Variants in MYRIP observed in about 807,000 individuals in gnomAD.
MYRIP encodes the protein myosin VIIA and Rab interacting protein, also known as rab effector MyRIP.
In MYRIP, 49 loss-of-function variants were observed where a neutral mutation model predicts 98.0. The observed-to-expected ratio is 0.50, with a 90% CI of 0.40 to 0.63. The LOEUF is 0.63. Among genes scored for constraint, MYRIP ranks in the 30% least tolerant of loss-of-function variants. The probability of loss-of-function intolerance (pLI) is 0.00; values close to 1 mark genes in which losing one functional copy is unlikely to be tolerated. For missense variants in MYRIP, 1,004 were observed against 1,058.2 expected, an observed-to-expected ratio of 0.95 and a Z score of 0.71; for synonymous variants, 404 against 409.5, an observed-to-expected ratio of 0.99 and a Z score of 0.16.
intron 3 of MYRIP, among the ~76,000 whole-genome samples, chr3:40,083,520 C>G (rs897080872): frequency 3.3e-5 from 5 of 152,114 alleles, no homozygotes; most frequent in African/African-American, 1.2e-4. Flanking sequence ...AAGAAGAATA[C>G]TGAATTATCA....
At chr3:39,924,357 T>C (rs1000980194) in intron 2 of MYRIP, among the ~76,000 whole-genome samples, 1 of 152,086 alleles carries the variant, frequency 6.6e-6, no homozygotes, top group Non-Finnish European at 1.5e-5. Context: ...AAGCTAGATT[T>C]CAGAGCAAAG....
At chr3:39,928,073 T>C (rs992627321) in intron 2 of MYRIP, among the ~76,000 whole-genome samples, 11 of 151,934 alleles carry the variant, frequency 7.2e-5, no homozygotes, top group Non-Finnish European at 1.6e-4. Flanking sequence ...ATTTGACAAC[T>C]TAGATGAACT....
At chr3:40,102,312 T>C (rs1473120740) in intron 3 of MYRIP, among the ~76,000 whole-genome samples, 1 of 152,196 alleles carries the variant, frequency 6.6e-6, no homozygotes, top group Non-Finnish European at 1.5e-5. Flanking sequence ...CATTCTCACT[T>C]CCAAAGGTAA....
chr3:39,999,730 T>C (rs1946468885), intron 2 of MYRIP, among the ~76,000 whole-genome samples: 1 of 152,140 alleles, frequency 6.6e-6, no homozygotes. Context: ...TGCACACATA[T>C]GTTTATTGCA....
rs532094224 is a variant in MYRIP, at chr3:40,111,660, T to G, written c.333-39388T>G. On this transcript the variant is annotated intron_variant, in intron 3 of 16. Coordinates refer to ENST00000302541, the MANE Select transcript of MYRIP (RefSeq NM_015460.4). The stretch of plus-strand genomic sequence containing the variant: ...GTAGGGTCTTCCCAGGCCTGGCTTG[T>G]GGGCTCTGAGTCCCCAGTCCACACC... Among the ~76,000 whole-genome samples, 177 of 152,158 alleles carry G rather than the reference T, an allele frequency of 1.2e-3. 2 individuals carry two copies. The South Asian group carries it at 0.034, about 30-fold the overall frequency.
At chr3:40,070,633 G>A (rs1948204009) in intron 3 of MYRIP, among the ~76,000 whole-genome samples, 1 of 151,320 alleles carries the variant, frequency 6.6e-6, no homozygotes, top group African/African-American at 2.4e-5. Context: ...AAACCCTATT[G>A]TGAATTGTGT....
intron 3 of MYRIP, chr3:40,099,899 A>G (rs1335569521): frequency 1.3e-6 from 1 of 793,876 alleles, no homozygotes; most frequent in Non-Finnish European, 1.5e-6. Flanking sequence ...GCAGCTTTAA[A>G]TGAGCTTTGG....
intron 3 of MYRIP, among the ~76,000 whole-genome samples, chr3:40,134,308 A>T (rs544897522): frequency 6.6e-6 from 1 of 152,334 alleles, no homozygotes; most frequent in East Asian, 1.9e-4. Context: ...TCTGAGATCA[A>T]ACTGCAAGGC....
chr3:40,205,750 G>T (rs1575631656), intron 10 of MYRIP, among the ~76,000 whole-genome samples: 1 of 152,026 alleles, frequency 6.6e-6, no homozygotes, highest in South Asian at 2.1e-4. Context: ...GAGTATGTTT[G>T]GTGTTTCAGT....
At chr3:40,099,202 A>T (rs769700052) in intron 3 of MYRIP, among the ~76,000 whole-genome samples, 1 of 152,170 alleles carries the variant, frequency 6.6e-6, no homozygotes, top group Non-Finnish European at 1.5e-5. Flanking sequence ...ATTTCAAGAA[A>T]GTGTCTGGAT....
chr3:40,114,014 G>A (rs191721124), intron 3 of MYRIP, among the ~76,000 whole-genome samples: 17 of 152,246 alleles, frequency 1.1e-4, no homozygotes, highest in East Asian at 5.8e-4. Flanking sequence ...TAATCTTAGC[G>A]TGGAGGCAGC....
chr3:40,073,390 C>T (rs1311237070), intron 3 of MYRIP, among the ~76,000 whole-genome samples: 1 of 152,208 alleles, frequency 6.6e-6, no homozygotes, highest in Non-Finnish European at 1.5e-5. Flanking sequence ...CGGACTCTTC[C>T]TGCCTCTGTT....
At chr3:40,242,772 T>TAGA (rs1953064242) in intron 12 of MYRIP, among the ~76,000 whole-genome samples, 1 of 152,288 alleles carries the variant, frequency 6.6e-6, no homozygotes, top group South Asian at 2.1e-4. Flanking sequence ...TTTTTTGGTG[T>TAGA]AGATAGGGAA....
chr3:40,088,835 G>C (rs1357833820), intron 3 of MYRIP, among the ~76,000 whole-genome samples: 1 of 152,242 alleles, frequency 6.6e-6, no homozygotes, highest in Non-Finnish European at 1.5e-5. Flanking sequence ...GGCATGCTCA[G>C]ATTCATGTTT....
At chr3:40,160,464 C>T (rs959652055) in intron 4 of MYRIP, among the ~76,000 whole-genome samples, 8 of 152,164 alleles carry the variant, frequency 5.3e-5, no homozygotes, top group Non-Finnish European at 1.0e-4. Context: ...TGTGCCCTGC[C>T]CCCAGAGGTG....
intron 9 of MYRIP, among the ~76,000 whole-genome samples, chr3:40,189,415 T>G (rs1951135677): frequency 6.6e-6 from 1 of 152,030 alleles, no homozygotes; most frequent in African/African-American, 2.4e-5. Context: ...TTCCCATCAG[T>G]GAGGGGAAAC....
chr3:39,994,452 G>C (rs1946279344), intron 2 of MYRIP, among the ~76,000 whole-genome samples: 1 of 152,248 alleles, frequency 6.6e-6, no homozygotes, highest in African/African-American at 2.4e-5. Context: ...TAGCACAGCA[G>C]TCTGAGATCA....
intron 2 of MYRIP, among the ~76,000 whole-genome samples, chr3:39,943,338 A>G (rs1299115278): frequency 2.6e-5 from 4 of 152,214 alleles, no homozygotes; most frequent in Non-Finnish European, 5.9e-5. Flanking sequence ...GAGGAAAAAC[A>G]AATGGAAAAC....
At chr3:39,983,337 T>C (rs374344678) in intron 2 of MYRIP, among the ~76,000 whole-genome samples, 112 of 152,328 alleles carry the variant, frequency 7.4e-4, no homozygotes, top group African/African-American at 2.6e-3. Context: ...GGTCAAGCTG[T>C]CTTCTTTGCG....
Sources: allele counts gnomAD v4.1 joint callset (sites outside exome capture counted in the v4.1 genomes callset), GRCh38; gene constraint gnomAD v4.1.1; transcripts MANE v1.5; gene names NCBI Gene and HGNC (gene_info 2026-07-23, HGNC 2026-07-21).